Variants in SEC11C observed in about 807,000 individuals in gnomAD.
SEC11C encodes signal peptidase complex catalytic subunit SEC11C.
SEC11C carries 10 observed loss-of-function variants against 21.9 expected under a neutral mutation model. That is an observed-to-expected ratio of 0.46 (90% confidence interval 0.28 to 0.77). The LOEUF (loss-of-function observed/expected upper bound fraction) is 0.77, where lower values mean the gene tolerates loss of function less well. SEC11C is among the 30% of genes least tolerant of loss of function. The probability of loss-of-function intolerance (pLI) is 0.12; values close to 1 mark genes in which losing one functional copy is unlikely to be tolerated. For missense variants in SEC11C, 145 were observed against 244.5 expected (o/e 0.59, Z 2.71); for synonymous variants, 83 against 85.6 (o/e 0.97, Z 0.17).
chr18:59,148,637 G>A (rs1292531880), intron 1 of SEC11C, among the ~76,000 whole-genome samples: 2 of 150,030 alleles, frequency 1.3e-5, no homozygotes, highest in Non-Finnish European at 3.0e-5. Context: ...TTTTTGAGAC[G>A]GAGTCTCGCT....
At chr18:59,158,490 T>G in intron 5 of SEC11C, 142 bp from the exon 6 acceptor site, 3 of 669,124 alleles carry the variant, frequency 4.5e-6, no homozygotes, top group Non-Finnish European at 7.7e-6. Flanking sequence ...AACAGCTCAT[T>G]TAGAGAACAA....
intron 1 of SEC11C, among the ~76,000 whole-genome samples, chr18:59,148,809 G>T (rs1022652206): frequency 1.3e-5 from 2 of 152,098 alleles, no homozygotes; most frequent in African/African-American, 4.8e-5. Context: ...AGTAGAGACG[G>T]GGTTTCACCG....
rs199938199 is a variant in SEC11C, at chr18:59,141,151, T to C, written c.87+1116T>C. ...TTTAGGCATACGTGTTTTTCCCCTC[T>C]CACTCTCCTCCCCCTTCCCCAAGTA... On this transcript the variant is annotated intron_variant, in intron 1 of 5. Transcript: ENST00000587834. Among the ~76,000 whole-genome samples, 5 of 152,096 alleles carry C rather than the reference T, an allele frequency of 3.3e-5. No homozygotes were observed. In the East Asian group the frequency reaches 9.7e-4, roughly 29 times the overall value.
rs527493579 is a variant in SEC11C at position 59,153,828 on chromosome 18, T to C, written c.347+1143T>C. Among the ~76,000 whole-genome samples the C allele has an allele frequency of 4.6e-5, 7 of 152,004 alleles. No homozygotes were observed. The South Asian group carries it at 1.5e-3, about 32-fold the overall frequency. ...TTCAAGCAATTCTCCTCCCTCAGCC[T>C]CTCAAGTAGCTGGAATTACAGGCAT... On this transcript the variant is annotated intron_variant, in intron 3 of 5. Transcript: ENST00000587834.
chr18:59,152,989 T>G (rs1016333375), intron 3 of SEC11C: 23 of 182,144 alleles, frequency 1.3e-4, no homozygotes, highest in Non-Finnish European at 4.5e-5. Context: ...TTGAAGGAGC[T>G]CAAAGAAAAT....
chr18:59,152,733 A>G (rs1413205240), intron 3 of SEC11C, 48 bp downstream of exon 3: 1 of 1,502,872 alleles, frequency 6.7e-7, no homozygotes, highest in Non-Finnish European at 9.0e-7. Flanking sequence ...AATTTTTGGT[A>G]GATTCATGGC....
chr18:59,157,391 C>G, intron 4 of SEC11C: 5 of 450,932 alleles, frequency 1.1e-5, no homozygotes, highest in Non-Finnish European at 2.0e-5. Flanking sequence ...TATCTCAACC[C>G]AAGTGCCTAC....
At chr18:59,144,087 C>T (rs913207441) in intron 1 of SEC11C, among the ~76,000 whole-genome samples, 3 of 152,122 alleles carry the variant, frequency 2.0e-5, no homozygotes, top group Non-Finnish European at 4.4e-5. Context: ...CTCCTGAGCT[C>T]AGGTTATCCG....
At chr18:59,158,515 A>T in intron 5 of SEC11C, 117 bp from the exon 6 acceptor site, 1 of 804,568 alleles carries the variant, frequency 1.2e-6, no homozygotes, top group Non-Finnish European at 2.1e-6. Context: ...TGGGGGGAAG[A>T]GGTAATCTTT....
chr18:59,152,392 T>G, intron 2 of SEC11C, 144 bp from the exon 3 acceptor site: 1 of 745,022 alleles, frequency 1.3e-6, no homozygotes, highest in East Asian at 2.7e-5. Flanking sequence ...GTTACCACCT[T>G]GAGCAGTTAA....
intron 3 of SEC11C, chr18:59,153,114 A>G (rs1477117546): frequency 6.4e-6 from 1 of 155,310 alleles, no homozygotes; most frequent in East Asian, 1.9e-4. Context: ...CAGCAGTAAT[A>G]TTAGTCCTGG....
chr18:59,148,619 CTTTT>C (rs5825316), intron 1 of SEC11C, among the ~76,000 whole-genome samples: 1 of 147,002 alleles, frequency 6.8e-6, no homozygotes, highest in African/African-American at 2.5e-5. Context: ...ACCTGTGCTC[CTTTT>C]TTTTTTTTGA....
chr18:59,151,697 G>C (rs532150449), intron 2 of SEC11C, among the ~76,000 whole-genome samples: 1 of 152,122 alleles, frequency 6.6e-6, no homozygotes, highest in South Asian at 2.1e-4. Context: ...AGAGCACCAC[G>C]GAGCTTCAGT....
At chr18:59,155,594 C>T in intron 3 of SEC11C, 94 bp from the exon 4 acceptor site, 1 of 1,345,114 alleles carries the variant, frequency 7.4e-7, no homozygotes, top group Non-Finnish European at 1.0e-6. Context: ...TCTAAATGCT[C>T]CTGTCTGACA....
chr18:59,142,074 C>T (rs996982308), intron 1 of SEC11C, among the ~76,000 whole-genome samples: 2 of 151,938 alleles, frequency 1.3e-5, no homozygotes, highest in African/African-American at 4.8e-5. Context: ...TTTTCCAGAC[C>T]GCAGTCAGCT....
chr18:59,146,485 G>A (rs1048588392), intron 1 of SEC11C, among the ~76,000 whole-genome samples: 1 of 152,124 alleles, frequency 6.6e-6, no homozygotes, highest in Admixed American at 6.5e-5. Context: ...GGAGCAACTG[G>A]CAGGAAGACA....
At chr18:59,144,775 G>C (rs1441344517) in intron 1 of SEC11C, among the ~76,000 whole-genome samples, 1 of 150,006 alleles carries the variant, frequency 6.7e-6, no homozygotes, top group African/African-American at 2.5e-5. Flanking sequence ...AAAAAAGGAA[G>C]GGGTTGCAAG....
intron 1 of SEC11C, 66 bp from the exon 2 acceptor site, chr18:59,149,447 C>G: frequency 9.5e-7 from 1 of 1,048,774 alleles, no homozygotes; most frequent in South Asian, 1.4e-5. Flanking sequence ...ACTGCATCTC[C>G]AGCTTCACAG....
chr18:59,150,235 G>A (rs1345347174), intron 2 of SEC11C, among the ~76,000 whole-genome samples: 1 of 152,234 alleles, frequency 6.6e-6, no homozygotes, highest in Non-Finnish European at 1.5e-5. Flanking sequence ...TCAAGACGCT[G>A]TCGGTCCAGT....
Sources: gnomAD v4.1 joint callset for allele counts (sites outside exome capture counted in the v4.1 genomes callset) on GRCh38, gnomAD v4.1.1 for gene constraint, MANE v1.5 for transcripts, NCBI Gene and HGNC (gene_info 2026-07-23, HGNC 2026-07-21) for gene names.